Variants in AUTS2 observed in about 807,000 individuals in gnomAD.
The protein encoded by AUTS2 is autism susceptibility gene 2 protein.
In AUTS2, 17 loss-of-function variants were observed where a neutral mutation model predicts 112.4. The observed-to-expected ratio is 0.15, with a 90% CI of 0.10 to 0.23. The LOEUF (loss-of-function observed/expected upper bound fraction) is 0.23. Ranked by LOEUF, AUTS2 falls within the 10% of genes least tolerant of loss-of-function variation. The pLI is 1.00. For synonymous variants in AUTS2, 751 were observed against 702.7 expected (o/e 1.07, Z -1.09); for missense variants, 1,510 against 1,701.6 (o/e 0.89, Z 1.98).
chr7:70,781,589 C>T (rs752775038), intron 14 of AUTS2, 26 bp from the exon 15 acceptor site: 2 of 1,612,926 alleles, frequency 1.2e-6, no homozygotes. Context: ...GGCCTTGGGA[C>T]CCTTACTGTT....
intron 1 of AUTS2, among the ~76,000 whole-genome samples, chr7:69,767,572 A>G (rs570933954): frequency 6.6e-6 from 1 of 152,312 alleles, no homozygotes; most frequent in Admixed American, 6.5e-5. Flanking sequence ...CAGTCATATG[A>G]AGCTATCAAG....
In AUTS2 at chr7:70,769,956, C is replaced by T. The variant is rs78369383; in HGVS notation, c.1735-1593C>T. 3.7e-3 allele frequency among the ~76,000 whole-genome samples: 565 copies of T among 152,114 alleles called. 3 individuals are homozygous for T. Among genetic ancestry groups the T allele is most frequent in the African/African-American group, 0.013 (542 of 41,526 alleles). Reference sequence around the variant, plus strand: ...GCAAAAAGAAAGTGGTAAGAACATCCAGTTTTTAAATTGTAAACATTAAAG... The same window carrying T: ...GCAAAAAGAAAGTGGTAAGAACATCTAGTTTTTAAATTGTAAACATTAAAG... On this transcript the variant is annotated intron_variant, in intron 10 of 18. Coordinates refer to ENST00000342771, the MANE Select transcript of AUTS2 (RefSeq NM_015570.4).
chr7:69,845,004 A>C (rs1418492242), intron 1 of AUTS2, among the ~76,000 whole-genome samples: 2 of 152,208 alleles, frequency 1.3e-5, no homozygotes, highest in African/African-American at 4.8e-5. Flanking sequence ...TGGAAAACCC[A>C]TCTAACAAAG....
At chr7:70,272,231 A>G (rs999694422) in intron 4 of AUTS2, among the ~76,000 whole-genome samples, 31 of 151,782 alleles carry the variant, frequency 2.0e-4, no homozygotes, top group African/African-American at 7.3e-4. Context: ...TGTTGTAGTT[A>G]AATTAAAAAA....
chr7:69,870,478 A>C (rs1272032003), intron 1 of AUTS2, among the ~76,000 whole-genome samples: 2 of 11,732 alleles, frequency 1.7e-4, no homozygotes, highest in Non-Finnish European at 3.8e-4. Context: ...TATTCACGTT[A>C]TATACAGACA....
intron 2 of AUTS2, among the ~76,000 whole-genome samples, chr7:69,980,219 A>G (rs1798240309): frequency 6.6e-6 from 1 of 152,182 alleles, no homozygotes; most frequent in Admixed American, 6.5e-5. Flanking sequence ...AGCAGCTGGG[A>G]TTACAGGCAC....
intron 2 of AUTS2, among the ~76,000 whole-genome samples, chr7:70,007,483 A>C (rs1799597713): frequency 6.6e-6 from 1 of 152,162 alleles, no homozygotes; most frequent in Non-Finnish European, 1.5e-5. Context: ...GCCATTTTCC[A>C]GAATGGATCT....
intron 4 of AUTS2, among the ~76,000 whole-genome samples, chr7:70,413,317 C>G (rs1205608088): frequency 6.6e-6 from 1 of 152,148 alleles, no homozygotes; most frequent in Non-Finnish European, 1.5e-5. Context: ...ATTCCTCTAT[C>G]CTAAAACAGA....
intron 6 of AUTS2, among the ~76,000 whole-genome samples, chr7:70,705,784 G>A (rs77102129): frequency 6.6e-6 from 1 of 152,150 alleles, no homozygotes; most frequent in Non-Finnish European, 1.5e-5. Context: ...CATAGGAGCT[G>A]GGCCTCTGGG....
chr7:70,565,619 G>A (rs1418212547), intron 5 of AUTS2, among the ~76,000 whole-genome samples: 6 of 152,224 alleles, frequency 3.9e-5, no homozygotes, highest in African/African-American at 1.4e-4. Context: ...GGTTGAGGCT[G>A]CAGTGAGCCA....
At chr7:70,001,433 T>C (rs553731905) in intron 2 of AUTS2, among the ~76,000 whole-genome samples, 1 of 152,046 alleles carries the variant, frequency 6.6e-6, no homozygotes, top group Non-Finnish European at 1.5e-5. Flanking sequence ...CAAGTTTTTT[T>C]CTGATAAAGA....
chr7:70,135,178 T>C (rs1212473541), intron 4 of AUTS2, among the ~76,000 whole-genome samples: 1 of 152,196 alleles, frequency 6.6e-6, no homozygotes, highest in Non-Finnish European at 1.5e-5. Context: ...TCAGGGATTA[T>C]CACAATATTG....
At chr7:70,621,416 A>G (rs896789738) in intron 5 of AUTS2, among the ~76,000 whole-genome samples, 3 of 152,218 alleles carry the variant, frequency 2.0e-5, no homozygotes, top group Admixed American at 6.5e-5. Context: ...AACCATTTTT[A>G]AATCCTCTCC....
At chr7:69,637,110 A>C (rs958734411) in intron 1 of AUTS2, among the ~76,000 whole-genome samples, 1 of 152,186 alleles carries the variant, frequency 6.6e-6, no homozygotes, top group African/African-American at 2.4e-5. Context: ...AATTGTGTGG[A>C]TGTACCAAAA....
intron 1 of AUTS2, among the ~76,000 whole-genome samples, chr7:69,852,855 G>T (rs1792550389): frequency 6.6e-6 from 1 of 152,100 alleles, no homozygotes; most frequent in African/African-American, 2.4e-5. Flanking sequence ...TTCAGTTCAG[G>T]TCATTGTTTA....
At chr7:69,888,540 G>GATGGATATATATATATAT in intron 1 of AUTS2, among the ~76,000 whole-genome samples, 1 of 99,232 alleles carries the variant, frequency 1.0e-5, no homozygotes, top group South Asian at 3.7e-4. Context: ...CAACATTGGG[G>GATGGATATATATATATAT]ATATATATAT....
intron 1 of AUTS2, among the ~76,000 whole-genome samples, chr7:69,878,054 G>T (rs1793882555): frequency 6.6e-6 from 1 of 152,108 alleles, no homozygotes; most frequent in African/African-American, 2.4e-5. Context: ...GGTAGACGGT[G>T]GGGGGCATGT....
intron 1 of AUTS2, among the ~76,000 whole-genome samples, chr7:69,702,349 A>G (rs1797854934): frequency 6.6e-6 from 1 of 152,228 alleles, no homozygotes; most frequent in African/African-American, 2.4e-5. Flanking sequence ...TGCAAGGATA[A>G]GGAGAAAAGG....
At chr7:69,611,027 C>A (rs2129078887) in intron 1 of AUTS2, among the ~76,000 whole-genome samples, 1 of 152,208 alleles carries the variant, frequency 6.6e-6, no homozygotes, top group Non-Finnish European at 1.5e-5. Flanking sequence ...TTGGAATTGG[C>A]CTTAATGGAA....
Sources: allele counts gnomAD v4.1 joint callset (sites outside exome capture counted in the v4.1 genomes callset), GRCh38; gene constraint gnomAD v4.1.1; transcripts MANE v1.5; gene names NCBI Gene and HGNC (gene_info 2026-07-23, HGNC 2026-07-21).